Variants in LARS2 observed in about 807,000 individuals in gnomAD.
LARS2 encodes the protein leucine--tRNA ligase, mitochondrial.
Under a neutral mutation model 116.6 loss-of-function variants are expected in LARS2, and 81 were observed. That is an observed-to-expected ratio of 0.69 (90% confidence interval 0.58 to 0.84). The LOEUF is 0.84. Among genes scored for constraint, LARS2 ranks in the 40% least tolerant of loss-of-function variants. The probability of loss-of-function intolerance (pLI) is 0.00; values close to 1 mark genes in which losing one functional copy is unlikely to be tolerated. For missense variants in LARS2, 968 were observed against 1,114.5 expected (o/e 0.87, Z 1.87); for synonymous variants, 396 against 407.2 (o/e 0.97, Z 0.33).
intron 14 of LARS2, among the ~76,000 whole-genome samples, chr3:45,497,674 AG>A (rs1700037649): frequency 6.6e-6 from 1 of 152,148 alleles, no homozygotes; most frequent in Non-Finnish European, 1.5e-5. Flanking sequence ...TGGGAGGCCG[AG>A]GCAGGCTGAT....
intron 18 of LARS2, among the ~76,000 whole-genome samples, chr3:45,519,233 T>C (rs1700414988): frequency 6.6e-6 from 1 of 152,068 alleles, no homozygotes; most frequent in Admixed American, 6.5e-5. Context: ...GGCTCACACC[T>C]ATAATCCCAG....
chr3:45,471,923 C>T (rs1484328131), intron 8 of LARS2, among the ~76,000 whole-genome samples: 2 of 152,130 alleles, frequency 1.3e-5, no homozygotes, highest in Non-Finnish European at 2.9e-5. Flanking sequence ...ACTTTTGCTA[C>T]AATGACATCG....
intron 8 of LARS2, among the ~76,000 whole-genome samples, chr3:45,464,640 C>G (rs1699392023): frequency 6.6e-6 from 1 of 152,158 alleles, no homozygotes; most frequent in African/African-American, 2.4e-5. Flanking sequence ...GCCCTCTGAC[C>G]TCAAGAAAGC....
At position 45,446,973 on chromosome 3, in the gene LARS2, A is replaced by C; in HGVS notation, c.599A>C (p.Gln200Pro). Residue 200 changes from glutamine to proline, a missense_variant, in exon 7 of 22, where the codon CAA (glutamine) becomes CCA (proline). Gln to Pro is a moderately conservative substitution (Grantham distance 76). Transcript: ENST00000645846. ...CTGTATGAGGCTGGGCTGGCCTATC[A>C]AAAGGAGGTAAGTTAAAATTAGCTG... ...IKLYEAGLAY[Q>P]KEALVNWDPV... 4 of 1,578,824 alleles carry C rather than the reference A, an allele frequency of 2.5e-6. No homozygotes were observed. Among genetic ancestry groups the C allele is most frequent in the Non-Finnish European group, 3.5e-6 (4 of 1,150,756 alleles).
intron 4 of LARS2, among the ~76,000 whole-genome samples, chr3:45,411,938 T>C (rs1698338557): frequency 6.6e-6 from 1 of 152,156 alleles, no homozygotes; most frequent in African/African-American, 2.4e-5. Context: ...TGAGAACATG[T>C]GGTATTTGTT....
At chr3:45,511,683 T>C (rs1575304337) in intron 15 of LARS2, among the ~76,000 whole-genome samples, 1 of 151,634 alleles carries the variant, frequency 6.6e-6, no homozygotes. Context: ...TCTCGGAAGG[T>C]GGCAGTGTTG....
chr3:45,439,366 G>A (rs11130062), intron 6 of LARS2, among the ~76,000 whole-genome samples: 70,104 of 151,382 alleles, frequency 0.46, 19,130 homozygotes, highest in East Asian at 0.7. Flanking sequence ...GATTACAGGC[G>A]CCCACCACCA....
intron 9 of LARS2, 22 bp downstream of exon 9, chr3:45,474,372 CAGCA>C: frequency 6.8e-7 from 1 of 1,476,470 alleles, no homozygotes; most frequent in South Asian, 1.2e-5. Flanking sequence ...ATAGCAGCTC[CAGCA>C]ATTCATGATC....
intron 5 of LARS2, 111 bp from the exon 6 acceptor site, chr3:45,419,558 C>A: frequency 2.4e-6 from 2 of 821,592 alleles, no homozygotes; most frequent in Non-Finnish European, 4.0e-6. Context: ...CACTTAAAAC[C>A]CATTTGAATA....
intron 4 of LARS2, among the ~76,000 whole-genome samples, chr3:45,404,607 A>ATTGAGCACCAGCTCTATTCTTGAATGGAT (rs1273745215): frequency 6.6e-6 from 1 of 152,184 alleles, no homozygotes; most frequent in Non-Finnish European, 1.5e-5. Context: ...GTAAGTAATC[A>ATTGAGCACCAGCTCTATTCTTGAATGGAT]TTGAGCACCA....
intron 6 of LARS2, among the ~76,000 whole-genome samples, chr3:45,426,660 A>G (rs540057194): frequency 1.3e-5 from 2 of 152,182 alleles, no homozygotes; most frequent in Admixed American, 1.3e-4. Context: ...AGTTGACCTC[A>G]TGAGGAGCTG....
intron 10 of LARS2, among the ~76,000 whole-genome samples, chr3:45,479,530 G>A (rs1310403584): frequency 3.3e-5 from 5 of 152,156 alleles, no homozygotes; most frequent in Non-Finnish European, 7.4e-5. Context: ...CTGGGTTGCC[G>A]ATGTTATTGA....
intron 6 of LARS2, among the ~76,000 whole-genome samples, chr3:45,436,082 G>A (rs9873017): frequency 0.058 from 8,893 of 152,148 alleles, 347 homozygotes; most frequent in African/African-American, 0.11. Flanking sequence ...TTCAGGTCAT[G>A]GCATGTTTCT....
intron 9 of LARS2, 136 bp from the exon 10 acceptor site, chr3:45,476,332 A>T: frequency 1.1e-6 from 1 of 890,776 alleles, no homozygotes; most frequent in Non-Finnish European, 1.8e-6. Flanking sequence ...CTCAATCCCC[A>T]CACCCCTGGC....
chr3:45,529,579 A>T (rs1700584525), intron 20 of LARS2, among the ~76,000 whole-genome samples: 1 of 152,084 alleles, frequency 6.6e-6, no homozygotes, highest in South Asian at 2.1e-4. Context: ...CTAAATAGCT[A>T]ATGTTTACGT....
intron 10 of LARS2, among the ~76,000 whole-genome samples, chr3:45,484,640 T>TATATATATATATATATATATATACAC (rs1241694718): frequency 1.2e-5 from 1 of 83,054 alleles, no homozygotes; most frequent in Non-Finnish European, 2.4e-5. Flanking sequence ...AATATATATA[T>TATATATATATATATATATATATACAC]ATATATATTT....
At chr3:45,485,558 G>A (rs1226080182) in intron 10 of LARS2, 134 bp from the exon 11 acceptor site, 1 of 565,630 alleles carries the variant, frequency 1.8e-6, no homozygotes, top group Non-Finnish European at 3.2e-6. Flanking sequence ...ACCCTTCAAA[G>A]GACAACTTAT....
chr3:45,482,365 A>G (rs561927046), intron 10 of LARS2, among the ~76,000 whole-genome samples: 1 of 152,242 alleles, frequency 6.6e-6, no homozygotes, highest in East Asian at 1.9e-4. Context: ...TCCTTAGGAG[A>G]TATTCCCAAG....
intron 5 of LARS2, among the ~76,000 whole-genome samples, chr3:45,417,899 T>A (rs904161028): frequency 6.6e-6 from 1 of 152,240 alleles, no homozygotes; most frequent in African/African-American, 2.4e-5. Flanking sequence ...ATTTCTATAA[T>A]GCTTCTGGTC....
Sources: gnomAD v4.1 joint callset for allele counts (sites outside exome capture counted in the v4.1 genomes callset) on GRCh38, gnomAD v4.1.1 for gene constraint, MANE v1.5 for transcripts, NCBI Gene and HGNC (gene_info 2026-07-23, HGNC 2026-07-21) for gene names.